The following CCDC9 variants were observed in gnomAD, a reference collection of about 807,000 sequenced individuals.
The protein encoded by CCDC9 is coiled-coil domain containing 9.
Under a neutral mutation model 65.6 loss-of-function variants are expected in CCDC9, and 52 were observed. The observed-to-expected ratio is 0.79, with a 90% CI of 0.63 to 1.00. The LOEUF (loss-of-function observed/expected upper bound fraction) is 1.00, where lower values mean the gene tolerates loss of function less well. Among genes scored for constraint, CCDC9 ranks in the 50% least tolerant of loss-of-function variants. The pLI, the probability that CCDC9 is intolerant of heterozygous loss-of-function variation, is 0.00. For missense variants in CCDC9, 834 were observed against 757.2 expected (o/e 1.10, Z -1.19); for synonymous variants, 332 against 280.3 (o/e 1.18, Z -1.84).
chr19:47,269,461 C>G (rs368607420), intron 8 of CCDC9, among the ~76,000 whole-genome samples: 1 of 151,644 alleles, frequency 6.6e-6, no homozygotes, highest in African/African-American at 2.4e-5. Flanking sequence ...TCAAATAATT[C>G]TGATTCAGCC....
intron 7 of CCDC9, 150 bp downstream of exon 7, chr19:47,265,096 C>A: frequency 1.6e-6 from 1 of 633,280 alleles, no homozygotes; most frequent in Non-Finnish European, 2.3e-6. Flanking sequence ...CTCGCTCTGT[C>A]ACCCATTCTG....
chr19:47,268,532 G>T (rs1484275920), intron 8 of CCDC9, among the ~76,000 whole-genome samples: 2 of 152,118 alleles, frequency 1.3e-5, no homozygotes, highest in Non-Finnish European at 2.9e-5. Context: ...GAGGCAGCTG[G>T]GCTTTTGGGG....
chr19:47,275,228 G>C (rs983670505), downstream of CCDC9: 11 of 1,529,792 alleles, frequency 7.2e-6, no homozygotes, highest in Non-Finnish European at 9.7e-6. Context: ...CCGGCGGGCC[G>C]CGACCCCAGC....
At position 47,260,731 on chromosome 19, in the gene CCDC9, G is replaced by A; in HGVS notation, c.354G>A (p.Glu118=). 6.3e-7 allele frequency: 1 copy of A among 1,597,430 alleles called. No individual in the cohort carries two copies. Among genetic ancestry groups the A allele is most frequent in the Non-Finnish European group, 8.5e-7 (1 of 1,173,476 alleles). Residue 118 remains glutamate (E), a synonymous_variant, in exon 5 of 12, where the codon GAG becomes GAA. Transcript: ENST00000221922. ...GCAGCTGGGAGGGCAGCCCCGGGGA[G>A]CAGCCTCGAGGAGGAGGAGCTGGGG... ...ASRSWEGSPG[E]QPRGGGAGGR...
intron 8 of CCDC9, among the ~76,000 whole-genome samples, chr19:47,268,594 T>C (rs1409442809): frequency 6.6e-6 from 1 of 152,136 alleles, no homozygotes; most frequent in Non-Finnish European, 1.5e-5. Flanking sequence ...TTATGTGTCC[T>C]AAAAGCAGTT....
At position 47,260,383 on chromosome 19, in the gene CCDC9, G is replaced by A; in HGVS notation, c.171G>A (p.Lys57=). The change falls in exon 4 of 12, where the codon AAG becomes AAA. Residue 57 remains lysine, a synonymous_variant. Coordinates refer to ENST00000221922, the MANE Select transcript of CCDC9 (RefSeq NM_015603.3). ...GAGTCGCAGTCACAGCTCCCCGAAAGGGCCGCTCAGTGGAGAAGGAGAACG... is the reference window on the plus strand; with the variant it reads ...GAGTCGCAGTCACAGCTCCCCGAAAAGGCCGCTCAGTGGAGAAGGAGAACG... ...LEGVAVTAPR[K]GRSVEKENVA... is the part of the protein sequence containing the mutation. 1 of 1,606,108 alleles carries A rather than the reference G, an allele frequency of 6.2e-7. No homozygotes were observed. Among genetic ancestry groups the A allele is most frequent in the Non-Finnish European group, 8.5e-7 (1 of 1,176,314 alleles).
downstream of CCDC9, chr19:47,274,031 G>A (rs1453770030): frequency 2.1e-6 from 2 of 961,904 alleles, no homozygotes; most frequent in Non-Finnish European, 2.5e-6. Flanking sequence ...GATGGGGAGG[G>A]GGCGTGAGGA....
chr19:47,258,155 C>T (rs1256381447), intron 1 of CCDC9, 175 bp from the exon 2 acceptor site: 1 of 583,966 alleles, frequency 1.7e-6, no homozygotes, highest in Non-Finnish European at 3.0e-6. Flanking sequence ...AGGGCTGAGT[C>T]TGAATTTCTA....
chr19:47,273,219 A>C (rs2059134544), downstream of CCDC9: 1 of 436,968 alleles, frequency 2.3e-6, no homozygotes, highest in Non-Finnish European at 3.8e-6. Flanking sequence ...TGGGCCCCGT[A>C]AACCGCTTAG....
chr19:47,270,027 G>A (rs1026114569), intron 8 of CCDC9, among the ~76,000 whole-genome samples: 1 of 151,396 alleles, frequency 6.6e-6, no homozygotes, highest in African/African-American at 2.4e-5. Context: ...CGAGTACAGT[G>A]GCTTGATTAC....
At chr19:47,270,363 C>A (rs1455138432) in intron 8 of CCDC9, 44 bp from the exon 9 acceptor site, 1 of 1,600,506 alleles carries the variant, frequency 6.2e-7, no homozygotes, top group Admixed American at 1.7e-5. Context: ...CCTCTTGTTA[C>A]CCTGTTCCCC....
rs2059039209 is a variant in CCDC9 at position 47,260,695 on chromosome 19, C to T, written c.318C>T (p.Gly106=). ...AGCAGGGAGGCCGGGCCGGCATGGG[C>T]CGAGCATCGCGCAGCTGGGAGGGCA... is the stretch of plus-strand genomic sequence containing the variant. The part of the protein sequence containing the change: ...PPQQGGRAGM[G]RASRSWEGSP... Residue 106 remains glycine (G), a synonymous_variant, in exon 5 of 12, where the codon GGC becomes GGT. Transcript: ENST00000221922. 6.4e-7 allele frequency: 1 copy of T among 1,564,170 alleles called. No individual in the cohort carries two copies.
At chr19:47,273,524 C>G (rs1316805904), downstream of CCDC9, 2 of 497,010 alleles carry the variant, frequency 4.0e-6, no homozygotes, top group Non-Finnish European at 6.3e-6. Context: ...GCTCCTCTGT[C>G]CTCTGCTTCT....
downstream of CCDC9, chr19:47,275,515 C>A: frequency 1.0e-6 from 1 of 962,092 alleles, no homozygotes; most frequent in Non-Finnish European, 1.5e-6. Context: ...CAGCTCGGGG[C>A]CTTGCCTCTT....
rs908502037 is a variant in CCDC9 at position 47,256,539 on chromosome 19, C to G, written c.-142C>G. The G allele has an allele frequency of 6.6e-6, 1 of 152,508 alleles. No homozygotes were observed. Among genetic ancestry groups the G allele is most frequent in the Non-Finnish European group, 1.5e-5 (1 of 68,242 alleles). The allele number at this position is 152,508 out of a possible 1,614,324, so 9.4% of individuals were successfully genotyped here. On this transcript the variant is annotated 5_prime_UTR_variant, in exon 1 of 12. Coordinates refer to ENST00000221922, the MANE Select transcript of CCDC9 (RefSeq NM_015603.3). The stretch of plus-strand genomic sequence containing the variant: ...GTGGTGCAGGCAGGAAGTGACGCGC[C>G]TGGCCCGGGAGCTGCGGTCGCAGAG...
At chr19:47,272,049 C>T (rs2059127709), downstream of CCDC9, 1 of 1,237,388 alleles carries the variant, frequency 8.1e-7, no homozygotes, top group Non-Finnish European at 1.0e-6. Flanking sequence ...GGGGGCTTGA[C>T]TGGGGCTCCC....
At chr19:47,264,738 G>C (rs761629950) in intron 6 of CCDC9, 35 bp from the exon 7 acceptor site, 1 of 1,603,740 alleles carries the variant, frequency 6.2e-7, no homozygotes, top group South Asian at 1.1e-5. Context: ...GGGCTGCGGG[G>C]AGCCCGCGCC....
At chr19:47,275,061 G>T, downstream of CCDC9, 1 of 1,494,450 alleles carries the variant, frequency 6.7e-7, no homozygotes, top group Non-Finnish European at 8.9e-7. Context: ...CGTGCTGCTC[G>T]CCGTGTACTA....
downstream of CCDC9, among the ~76,000 whole-genome samples, chr19:47,274,252 C>G (rs573565967): frequency 7.0e-6 from 1 of 142,308 alleles, no homozygotes. Context: ...GCGGGTCCCG[C>G]GGGGGCGGAG....
Sources: allele counts gnomAD v4.1 joint callset (sites outside exome capture counted in the v4.1 genomes callset), GRCh38; gene constraint gnomAD v4.1.1; transcripts MANE v1.5; gene names NCBI Gene and HGNC (gene_info 2026-07-23, HGNC 2026-07-21).